The following THUMPD2 variants were observed in gnomAD, a reference collection of about 807,000 sequenced individuals.
THUMPD2 encodes THUMP domain 2 tRNA and snRNA guanosine methyltransferase, also known as U6 snRNA (guanine-N(2))-methyltransferase THUMPD2.
Under a neutral mutation model 49.4 loss-of-function variants are expected in THUMPD2, and 56 were observed. That is an observed-to-expected ratio of 1.13 (90% CI 0.91 to 1.41). The LOEUF (loss-of-function observed/expected upper bound fraction) is 1.41. Among genes scored for constraint, THUMPD2 ranks in the 40% most tolerant of loss-of-function variants. THUMPD2 has a pLI of 0.00. For missense variants in THUMPD2, 709 were observed against 594.5 expected, an observed-to-expected ratio of 1.19 and a Z score of -2.00; for synonymous variants, 237 against 205.2, an observed-to-expected ratio of 1.15 and a Z score of -1.32.
Position 39,771,571 on chromosome 2 carries a change from A to T in THUMPD2, c.196T>A (p.Ser66Thr). 3.1e-6 allele frequency: 5 copies of T among 1,606,834 alleles called. No individual in the cohort carries two copies. Among genetic ancestry groups the T allele is most frequent in the Non-Finnish European group, 4.2e-6 (5 of 1,178,010 alleles). Residue 66 changes from serine (S) to threonine (T), a missense_variant, in exon 2 of 10, where the codon TCT becomes ACT. Coordinates refer to ENST00000505747, the MANE Select transcript of THUMPD2 (RefSeq NM_025264.5). The part of the protein sequence containing the change: ...SDLNMLKKLK[S>T]AERLFLLIKK... ...ATCAGCAAAAATAATCTTTCTGCAGATTTTAATTTCTTCAACATATTCAAA... is the reference window on the plus strand; with the variant it reads ...ATCAGCAAAAATAATCTTTCTGCAGTTTTTAATTTCTTCAACATATTCAAA...
At position 39,768,517 on chromosome 2, in the gene THUMPD2, GTTA is replaced by G; in HGVS notation, c.673-19_673-17del. 1 of 1,595,784 alleles carries G rather than the reference GTTA, an allele frequency of 6.3e-7. No individual in the cohort carries two copies. Among genetic ancestry groups the G allele is most frequent in the East Asian group, 2.2e-5 (1 of 44,672 alleles). On this transcript the variant is annotated splice_polypyrimidine_tract_variant and intron_variant, in intron 3 of 9. Coordinates refer to ENST00000505747, the MANE Select transcript of THUMPD2 (RefSeq NM_025264.5). ...TTCCTACCTCCTGGAAAAGTACCAA[GTTA>G]AAGAAAAGAATACTAAAAATGAAAA...
At chr2:39,738,488 CA>C (rs1178249951) in intron 9 of THUMPD2, among the ~76,000 whole-genome samples, 2 of 151,872 alleles carry the variant, frequency 1.3e-5, no homozygotes, top group Non-Finnish European at 2.9e-5. Context: ...TGCTTGAGCC[CA>C]GGGGGCAGAG....
In THUMPD2 at chr2:39,767,637, C is replaced by CAGATAAGA. The variant is rs540386855; in HGVS notation, c.750+779_750+786dup. Among the ~76,000 whole-genome samples, 871 of 139,744 alleles carry CAGATAAGA rather than the reference C, an allele frequency of 6.2e-3. 11 individuals are homozygous for CAGATAAGA. The highest frequency in any genetic ancestry group is 0.022 in the African/African-American group (843 of 37,690). 91.7% of individuals were successfully genotyped at this position (139,744 alleles called of 152,430 possible). ...AAAAAAAAAAAGAATTGGAAAGGGG[C>CAGATAAGA]AGATAAGAGAATGATACTCGTATGT... On this transcript the variant is annotated intron_variant, in intron 4 of 9. Coordinates refer to ENST00000505747, the MANE Select transcript of THUMPD2 (RefSeq NM_025264.5).
In THUMPD2 at chr2:39,768,342, C is replaced by T. The variant is rs114051788; in HGVS notation, c.750+82G>A. ...CACTTTTTATAACTGTAAAATAAAACGGAAAAGTATGATAAGAATACAGGA... is the reference window on the plus strand; with the variant it reads ...CACTTTTTATAACTGTAAAATAAAATGGAAAAGTATGATAAGAATACAGGA... On this transcript the variant is annotated intron_variant, in intron 4 of 9. Transcript: ENST00000505747. 9.1e-3 allele frequency: 10,848 copies of T among 1,192,840 alleles called. 77 individuals are homozygous for T. Among genetic ancestry groups the T allele is most frequent in the Non-Finnish European group, 0.011 (9,077 of 819,974 alleles). 73.9% of individuals were successfully genotyped at this position (1,192,840 alleles called of 1,614,324 possible).
At chr2:39,755,504 A>C in intron 7 of THUMPD2, 95 bp from the exon 8 acceptor site, 2 of 789,828 alleles carry the variant, frequency 2.5e-6, no homozygotes, top group South Asian at 2.0e-5. Context: ...TGACAAGTGA[A>C]ATTAGTAGAT....
intron 1 of THUMPD2, among the ~76,000 whole-genome samples, chr2:39,778,161 C>T (rs1679364959): frequency 1.3e-5 from 2 of 152,110 alleles, no homozygotes; most frequent in African/African-American, 4.8e-5. Flanking sequence ...GTGAAAAGTA[C>T]GCAAATAAAT....
intron 8 of THUMPD2, among the ~76,000 whole-genome samples, chr2:39,751,252 A>G (rs921491970): frequency 1.3e-5 from 2 of 152,276 alleles, no homozygotes; most frequent in African/African-American, 4.8e-5. Flanking sequence ...ACAAACCAGT[A>G]TGAAAGAAAA....
chr2:39,736,830 C>T lies in THUMPD2; in HGVS notation c.1417G>A (p.Gly473Ser). Residue 473 changes from glycine to serine, a missense_variant, in exon 10 of 10, where the codon GGC becomes AGC. Physicochemically the swap from Gly to Ser is moderately conservative, Grantham distance 56. Transcript: ENST00000505747. ...HKFLDRMSPF[G>S]SLVPVECYKV... The stretch of plus-strand genomic sequence containing the variant: ...TAGCATTCCACTGGTACCAAGGAGC[C>T]AAATGGTGACATTCTGTCTAAGAAT... 6.2e-7 allele frequency: 1 copy of T among 1,614,190 alleles called. No individual in the cohort carries two copies. The highest frequency in any genetic ancestry group is 8.5e-7 in the Non-Finnish European group (1 of 1,180,036).
chr2:39,750,397 C>T (rs1286836656), intron 8 of THUMPD2, among the ~76,000 whole-genome samples: 1 of 152,172 alleles, frequency 6.6e-6, no homozygotes, highest in East Asian at 1.9e-4. Flanking sequence ...TGAATGTCTT[C>T]TTTTGAGAAG....
At position 39,769,945 on chromosome 2, in the gene THUMPD2, T is replaced by A. The variant is rs199817285; in HGVS notation, c.437A>T (p.Lys146Ile). The change falls in exon 3 of 10, where the codon AAA (lysine) becomes ATA (isoleucine). Residue 146 changes from lysine to isoleucine, a missense_variant. By Grantham distance (102) the Lys-to-Ile change is moderately radical. Coordinates refer to ENST00000505747, the MANE Select transcript of THUMPD2 (RefSeq NM_025264.5). Reference sequence around the variant, plus strand: ...CTTTTGCATTTGTTCTATTTTTAATTTCTTTGCAATGATTTCATTTTCTCC... The same window carrying A: ...CTTTTGCATTTGTTCTATTTTTAATATCTTTGCAATGATTTCATTTTCTCC... ...KVGENEIIAKKLKIEQMQKIE... is the reference protein window; with the variant it reads ...KVGENEIIAKILKIEQMQKIE... 6.3e-7 allele frequency: 1 copy of A among 1,577,328 alleles called. No individual in the cohort carries two copies.
At chr2:39,776,377 T>A (rs570422219) in intron 1 of THUMPD2, among the ~76,000 whole-genome samples, 1 of 149,632 alleles carries the variant, frequency 6.7e-6, no homozygotes. Flanking sequence ...AACTACACCA[T>A]AGAGACTCAG....
rs1321755076 is a variant in THUMPD2 at position 39,744,658 on chromosome 2, T to C, written c.1079-180A>G. ...TGCTTTCACAATCACTAATGATAAA[T>C]GATAGTTATTGTATTCTGTTCGTTG... On this transcript the variant is annotated intron_variant, in intron 8 of 9. Transcript: ENST00000505747. The C allele has an allele frequency of 1.6e-5, 7 of 441,606 alleles. No individual in the cohort carries two copies. The East Asian group carries it at 2.4e-4, about 15-fold the overall frequency. The allele number at this position is 441,606 out of a possible 1,614,324, so 27.4% of individuals were successfully genotyped here. A position where few individuals can be genotyped will look rare whatever the true frequency, so the allele number is the denominator to read the frequency against.
rs1673107496 is a variant in THUMPD2, at chr2:39,736,594, A to G, written c.*141T>C. 1 of 653,280 alleles carries G rather than the reference A, an allele frequency of 1.5e-6. No homozygotes were observed. The highest frequency in any genetic ancestry group is 1.8e-5 in the African/African-American group (1 of 54,806). 40.5% of individuals were successfully genotyped at this position (653,280 alleles called of 1,614,324 possible). A position where few individuals can be genotyped will look rare whatever the true frequency, so the allele number is the denominator to read the frequency against. On this transcript the variant is annotated 3_prime_UTR_variant, in exon 10 of 10. Coordinates refer to ENST00000505747, the MANE Select transcript of THUMPD2 (RefSeq NM_025264.5). ...GCAGAAACTCTTACCAAGCATGTGTACCCATCAGCCACACCTCCTGTCTTT... is the reference window on the plus strand; with the variant it reads ...GCAGAAACTCTTACCAAGCATGTGTGCCCATCAGCCACACCTCCTGTCTTT...
intron 3 of THUMPD2, chr2:39,769,321 A>G: frequency 3.9e-6 from 1 of 258,606 alleles, no homozygotes; most frequent in South Asian, 5.3e-5. Context: ...TTAATTCCAT[A>G]AGAACTAATT....
chr2:39,779,172 C>T lies in THUMPD2; in HGVS notation c.68G>A (p.Gly23Asp). 6.6e-7 allele frequency: 1 copy of T among 1,520,996 alleles called. No homozygotes were observed. The allele number at this position is 1,520,996 out of a possible 1,614,324, so 94.2% of individuals were successfully genotyped here. Residue 23 changes from glycine to aspartate, a missense_variant, in exon 1 of 10, where the codon GGT becomes GAT. Physicochemically the swap from Gly to Asp is moderately conservative, Grantham distance 94. Coordinates refer to ENST00000505747, the MANE Select transcript of THUMPD2 (RefSeq NM_025264.5). ...EAGARFFCTAGRGLEPFVMRE... is the reference protein window; with the variant it reads ...EAGARFFCTADRGLEPFVMRE... ...CATTACGAACGGCTCCAGGCCGCGA[C>T]CCGCAGTGCAGAAGAATCGGGCGCC...
chr2:39,767,637 C>A (rs964504201), intron 4 of THUMPD2, among the ~76,000 whole-genome samples: 3 of 139,758 alleles, frequency 2.1e-5, no homozygotes, highest in Admixed American at 7.3e-5. Context: ...TGGAAAGGGG[C>A]AGATAAGAGA....
chr2:39,761,435 C>T lies in THUMPD2; in HGVS notation c.804-17G>A. 1.2e-6 allele frequency: 2 copies of T among 1,607,380 alleles called. No homozygotes were observed. The highest frequency in any genetic ancestry group is 1.7e-6 in the Non-Finnish European group (2 of 1,174,302). ...AGGGAAACCCTACAAAGGATAGAAT[C>T]TGATTATATATTATTACACATTGAA... On this transcript the variant is annotated splice_polypyrimidine_tract_variant and intron_variant, in intron 5 of 9. Transcript: ENST00000505747.
chr2:39,759,006 T>C (rs1356746144), intron 6 of THUMPD2, among the ~76,000 whole-genome samples: 1 of 152,102 alleles, frequency 6.6e-6, no homozygotes, highest in African/African-American at 2.4e-5. Flanking sequence ...TAAATTAAAA[T>C]AGAGCATGTC....
intron 4 of THUMPD2, among the ~76,000 whole-genome samples, chr2:39,767,225 A>T (rs13395966): frequency 0.099 from 15,091 of 152,186 alleles, 1,621 homozygotes; most frequent in African/African-American, 0.27. Flanking sequence ...TTTATTTATG[A>T]GATAATCTAT....
Sources: allele counts gnomAD v4.1 joint callset (sites outside exome capture counted in the v4.1 genomes callset), GRCh38; gene constraint gnomAD v4.1.1; transcripts MANE v1.5; gene names NCBI Gene and HGNC (gene_info 2026-07-23, HGNC 2026-07-21).